The following UNC79 variants were observed in gnomAD, a reference collection of about 807,000 sequenced individuals.
UNC79 encodes the protein unc-79 subunit of NALCN channel complex.
UNC79 carries 37 observed loss-of-function variants against 283.1 expected under a neutral mutation model. That is an observed-to-expected ratio of 0.13 (90% CI 0.10 to 0.17). UNC79 has a LOEUF of 0.17. Ranked by LOEUF, UNC79 falls within the 10% of genes least tolerant of loss-of-function variation. UNC79 has a pLI of 1.00. For synonymous variants in UNC79, 1,107 were observed against 1,200.2 expected, an observed-to-expected ratio of 0.92 and a Z score of 1.61; for missense variants, 2,272 against 3,211.1, an observed-to-expected ratio of 0.71 and a Z score of 7.07.
intron 47 of UNC79, among the ~76,000 whole-genome samples, chr14:93,696,779 TA>T (rs1566940113): frequency 6.6e-6 from 1 of 152,234 alleles, no homozygotes; most frequent in Admixed American, 6.5e-5. Flanking sequence ...AAGTACCATT[TA>T]CCAATTTTTT....
intron 1 of UNC79, among the ~76,000 whole-genome samples, chr14:93,349,766 C>G (rs2053945751): frequency 6.6e-6 from 1 of 152,178 alleles, no homozygotes; most frequent in South Asian, 2.1e-4. Flanking sequence ...TCAATAAAAA[C>G]AGCTGAGGCT....
intron 30 of UNC79, among the ~76,000 whole-genome samples, chr14:93,626,168 C>T (rs1391062090): frequency 6.6e-6 from 1 of 152,220 alleles, no homozygotes; most frequent in Non-Finnish European, 1.5e-5. Flanking sequence ...ATTCACATTT[C>T]CAGTCTCCTA....
intron 8 of UNC79, among the ~76,000 whole-genome samples, chr14:93,525,022 C>G (rs1354556594): frequency 1.3e-5 from 2 of 152,082 alleles, no homozygotes; most frequent in African/African-American, 4.8e-5. Flanking sequence ...TTTCATGAAC[C>G]AAAAACTGGC....
At chr14:93,360,481 C>T (rs935888450) in intron 1 of UNC79, among the ~76,000 whole-genome samples, 3 of 152,166 alleles carry the variant, frequency 2.0e-5, no homozygotes, top group Non-Finnish European at 4.4e-5. Flanking sequence ...GTACCAGATG[C>T]GGTTTCATTG....
chr14:93,553,143 G>A (rs758108693), intron 14 of UNC79, among the ~76,000 whole-genome samples: 3 of 152,184 alleles, frequency 2.0e-5, no homozygotes, highest in Non-Finnish European at 2.9e-5. Context: ...CTCACATATA[G>A]TTTCCAAATT....
intron 10 of UNC79, among the ~76,000 whole-genome samples, chr14:93,530,744 C>T (rs548034715): frequency 7.2e-5 from 11 of 152,182 alleles, no homozygotes; most frequent in Non-Finnish European, 1.5e-4. Context: ...CCCGTCACTA[C>T]TAAAAATACA....
rs2141177652 is a variant in UNC79 at position 93,540,527 on chromosome 14, G to A, written c.1353-133G>A. Reference sequence around the variant, plus strand: ...AGGATGCACAGTACTCAGTAACTCAGTAACACAGTACTCAATTTAAAGAAG... The same window carrying A: ...AGGATGCACAGTACTCAGTAACTCAATAACACAGTACTCAATTTAAAGAAG... On this transcript the variant is annotated intron_variant, in intron 12 of 48. Coordinates refer to ENST00000555664, the Ensembl canonical transcript of UNC79. 8 of 953,460 alleles carry A rather than the reference G, an allele frequency of 8.4e-6. No homozygotes were observed. In the East Asian group the frequency reaches 2.1e-4, roughly 25 times the overall value. 59.1% of individuals were successfully genotyped at this position (953,460 alleles called of 1,614,324 possible).
At chr14:93,543,889 T>C (rs2061486085) in intron 14 of UNC79, among the ~76,000 whole-genome samples, 1 of 152,212 alleles carries the variant, frequency 6.6e-6, no homozygotes, top group Non-Finnish European at 1.5e-5. Context: ...AGACCATCTA[T>C]AGGGGTAACT....
chr14:93,601,454 A>G (rs1287726640), intron 25 of UNC79, among the ~76,000 whole-genome samples: 2 of 152,254 alleles, frequency 1.3e-5, no homozygotes, highest in Non-Finnish European at 2.9e-5. Flanking sequence ...ATGGCCAAGT[A>G]GTATTCCATG....
chr14:93,352,772 A>G (rs953282518), intron 1 of UNC79, among the ~76,000 whole-genome samples: 7 of 152,208 alleles, frequency 4.6e-5, no homozygotes, highest in African/African-American at 1.7e-4. Flanking sequence ...TTTAATATAC[A>G]GATGCTCTTG....
intron 1 of UNC79, among the ~76,000 whole-genome samples, chr14:93,351,618 T>C (rs2053981289): frequency 1.3e-5 from 2 of 152,166 alleles, no homozygotes; most frequent in African/African-American, 4.8e-5. Flanking sequence ...TCTCAAAATT[T>C]ATATTGATGT....
intron 33 of UNC79, 100 bp from the exon 37 acceptor site, chr14:93,643,457 T>A: frequency 6.3e-7 from 1 of 1,578,978 alleles, no homozygotes; most frequent in Non-Finnish European, 8.6e-7. Context: ...TTTTGGAGAC[T>A]TTTCCAAGAC....
rs2053499798 is a variant in UNC79 at position 93,333,416 on chromosome 14, CGCATGCAATGAGT to C, written c.-453_-441del. 7.5e-6 allele frequency: 3 copies of C among 398,574 alleles called. No homozygotes were observed. In the East Asian group the frequency reaches 1.1e-4, roughly 14 times the overall value. 24.7% of individuals were successfully genotyped at this position (398,574 alleles called of 1,614,324 possible). ...CGGCGGCCGGCGTCCCTCGGGTGGT[CGCATGCAATGAGT>C]GCATCTTTCTCGAGAACAACTCTTC... On this transcript the variant is annotated 5_prime_UTR_variant, in exon 1 of 50. Coordinates refer to the UNC79 transcript ENST00000256339.
chr14:93,429,387 T>C (rs2055802456), upstream of UNC79, among the ~76,000 whole-genome samples: 1 of 152,188 alleles, frequency 6.6e-6, no homozygotes, highest in African/African-American at 2.4e-5. Context: ...CAGAGTCCAA[T>C]CACATATGCA....
chr14:93,608,977 A>T (rs938385180), intron 26 of UNC79, among the ~76,000 whole-genome samples: 13 of 152,222 alleles, frequency 8.5e-5, no homozygotes, highest in Non-Finnish European at 1.6e-4. Context: ...TTGGAGTATT[A>T]AGGCAAATGA....
intron 1 of UNC79, 43 bp from the exon 2 acceptor site, chr14:93,467,628 C>CTTTTTTTTA: frequency 1.3e-6 from 1 of 761,392 alleles, no homozygotes; most frequent in Non-Finnish European, 1.5e-6. Flanking sequence ...TTTCTTCTTC[C>CTTTTTTTTA]TTTTTTTTTT....
chr14:93,497,060 C>T, intron 6 of UNC79, 97 bp from the exon 7 acceptor site: 2 of 1,401,240 alleles, frequency 1.4e-6, no homozygotes, highest in Non-Finnish European at 1.9e-6. Flanking sequence ...ACCTCAATCC[C>T]TCCATTAGAA....
intron 1 of UNC79, among the ~76,000 whole-genome samples, chr14:93,372,946 A>G (rs1240028772): frequency 6.6e-6 from 1 of 152,228 alleles, no homozygotes; most frequent in Admixed American, 6.5e-5. Flanking sequence ...GTTCAAAAGG[A>G]TAGAAATCAT....
At chr14:93,616,332 A>G (rs1708191513) in intron 27 of UNC79, among the ~76,000 whole-genome samples, 1 of 150,250 alleles carries the variant, frequency 6.7e-6, no homozygotes, top group African/African-American at 2.4e-5. Flanking sequence ...TGGCTGTATT[A>G]GACGGTATAT....
Sources: gnomAD v4.1 joint callset for allele counts (sites outside exome capture counted in the v4.1 genomes callset) on GRCh38, gnomAD v4.1.1 for gene constraint, MANE v1.5 for transcripts, NCBI Gene and HGNC (gene_info 2026-07-23, HGNC 2026-07-21) for gene names.